The following ZNF546 variants were observed in gnomAD, a reference collection of about 807,000 sequenced individuals.
ZNF546 encodes zinc finger protein 546.
ZNF546 carries 60 observed loss-of-function variants against 76.2 expected under a neutral mutation model. The ratio of observed to expected loss-of-function variants is 0.79; its 90% CI spans 0.64 to 0.98. The LOEUF is 0.98. Ranked by LOEUF, ZNF546 falls within the 50% of genes least tolerant of loss-of-function variation. The pLI is 0.00. For synonymous variants in ZNF546, 277 were observed against 328.1 expected, an observed-to-expected ratio of 0.84 and a Z score of 1.68; for missense variants, 936 against 1,035.6, an observed-to-expected ratio of 0.90 and a Z score of 1.32.
intron 3 of ZNF546, among the ~76,000 whole-genome samples, chr19:40,003,098 C>T (rs1424846639): frequency 2.1e-5 from 3 of 141,218 alleles, no homozygotes; most frequent in Non-Finnish European, 4.5e-5. Context: ...TGCAGTGGTG[C>T]AATCTCGGCT....
rs1297898712 is a variant in ZNF546 at position 40,014,879 on chromosome 19, C to T, written c.1609C>T (p.Gln537Ter). The T allele has an allele frequency of 6.2e-7, 1 of 1,613,666 alleles. No homozygotes were observed. Among genetic ancestry groups the T allele is most frequent in the Admixed American group, 1.7e-5 (1 of 60,000 alleles). The change falls in exon 7 of 7, where the codon CAA (glutamine) becomes TAA (stop). Residue 537 changes from glutamine to a stop codon, truncating the protein, a stop_gained. Coordinates refer to ENST00000347077, the MANE Select transcript of ZNF546 (RefSeq NM_178544.5). LOFTEE classifies it high-confidence loss of function. Reference protein sequence around the residue: ...CNECGKAFRLQGELTRHHRIH... With the variant: ...CNECGKAFRL ...CGAATGTGGAAAAGCCTTTCGTCTT[C>T]AAGGAGAACTTACCCGACATCACAG...
At chr19:40,008,127 C>T (rs147843541) in intron 5 of ZNF546, among the ~76,000 whole-genome samples, 1 of 152,292 alleles carries the variant, frequency 6.6e-6, no homozygotes, top group African/African-American at 2.4e-5. Context: ...TGAATATGTG[C>T]AGGGTAACTT....
At chr19:40,010,402 GAAAAAAAAA>G (rs552930374) in intron 6 of ZNF546, among the ~76,000 whole-genome samples, 305 of 112,950 alleles carry the variant, frequency 2.7e-3, no homozygotes, top group African/African-American at 9.6e-3. Context: ...GATAATGTCT[GAAAAAAAAA>G]AAAAAAGAAG....
chr19:40,008,607 T>TATGA, intron 6 of ZNF546, 42 bp downstream of exon 6: 1 of 1,527,370 alleles, frequency 6.5e-7, no homozygotes, highest in Non-Finnish European at 9.1e-7. Context: ...TATCACAAGT[T>TATGA]ATGACCCATG....
rs1186230239 is a variant in ZNF546 at position 40,017,966 on chromosome 19, CTTTTTTTTTT to C, written c.*2205_*2214del. 1.2e-3 allele frequency: 77 copies of C among 63,086 alleles called. No homozygotes were observed. The highest frequency in any genetic ancestry group is 5.0e-3 in the African/African-American group (69 of 13,716). The allele number at this position is 63,086 out of a possible 1,614,324, so 3.9% of individuals were successfully genotyped here. A position where few individuals can be genotyped will look rare whatever the true frequency, so the allele number is the denominator to read the frequency against. On this transcript the variant is annotated 3_prime_UTR_variant, in exon 7 of 7. Transcript: ENST00000347077. ...CCCCACAACTTTATTGCAACATTGA[CTTTTTTTTTT>C]TTTTTTTTTTTTTTTTTTTGAGATG...
chr19:40,006,955 T>C (rs1320395521), intron 4 of ZNF546, among the ~76,000 whole-genome samples: 2 of 152,210 alleles, frequency 1.3e-5, no homozygotes, highest in African/African-American at 4.8e-5. Context: ...GAGTACTTTT[T>C]GGTGAAAAAA....
chr19:40,005,689 CA>C (rs767589624), intron 3 of ZNF546, among the ~76,000 whole-genome samples: 1,534 of 126,448 alleles, frequency 0.012, 5 homozygotes, highest in Non-Finnish European at 0.016. Context: ...ACCCTGTCTC[CA>C]AAAAAAAAAA....
rs201889674 is a variant in ZNF546, at chr19:40,007,272, A to G, written c.172-2A>G. 6.5e-7 allele frequency: 1 copy of G among 1,533,644 alleles called. No individual in the cohort carries two copies. The highest frequency in any genetic ancestry group is 8.8e-7 in the Non-Finnish European group (1 of 1,139,424). ...TTTTAATACATAGGCTTGTCATTTC[A>G]GGTATCTTTGGCATTTAGGGATGTG... On this transcript the variant is annotated splice_acceptor_variant, in intron 4 of 6. Coordinates refer to ENST00000347077, the MANE Select transcript of ZNF546 (RefSeq NM_178544.5). LOFTEE classifies it high-confidence loss of function.
chr19:39,999,580 ATTTT>A (rs748100892), intron 3 of ZNF546: 2 of 143,850 alleles, frequency 1.4e-5, no homozygotes, highest in Non-Finnish European at 1.5e-5. Flanking sequence ...TTTTAGCAAG[ATTTT>A]TTTTTTTTTT....
Position 40,014,588 on chromosome 19 carries a change from C to A in ZNF546, c.1318C>A (p.Pro440Thr). The part of the protein sequence containing the change: ...RHRRIHTGEK[P>T]YECRECGKAF... ...TCGTAGAATTCATACTGGTGAGAAA[C>A]CCTATGAATGTAGAGAATGTGGAAA... Residue 440 changes from proline (P) to threonine (T), a missense_variant, in exon 7 of 7, where the codon CCC (proline) becomes ACC (threonine). Transcript: ENST00000347077. 1 of 1,613,576 alleles carries A rather than the reference C, an allele frequency of 6.2e-7. No homozygotes were observed. The highest frequency in any genetic ancestry group is 8.5e-7 in the Non-Finnish European group (1 of 1,179,724).
At position 40,013,660 on chromosome 19, in the gene ZNF546, T is replaced by TTTTTC; in HGVS notation, c.395-5_395-4insTTTTC. 7.8e-7 allele frequency: 1 copy of TTTTTC among 1,288,536 alleles called. No homozygotes were observed. Among genetic ancestry groups the TTTTTC allele is most frequent in the Non-Finnish European group, 1.0e-6 (1 of 992,802 alleles). 79.8% of individuals were successfully genotyped at this position (1,288,536 alleles called of 1,614,324 possible). A position where few individuals can be genotyped will look rare whatever the true frequency, so the allele number is the denominator to read the frequency against. ...CTTTGCTTTTTTTTTTTTTTTTTTT[T>TTTTTC]GCAGATTTGGAATACAAGTATATTA... is the stretch of plus-strand genomic sequence containing the variant. On this transcript the variant is annotated splice_region_variant and splice_polypyrimidine_tract_variant and intron_variant, in intron 6 of 6. Transcript: ENST00000347077.
rs1302545630 is a variant in ZNF546, at chr19:40,014,609, G to A, written c.1339G>A (p.Gly447Arg). ...GEKPYECREC[G>R]KAFRLQTELT... The stretch of plus-strand genomic sequence containing the variant: ...GAAACCCTATGAATGTAGAGAATGT[G>A]GAAAAGCCTTTCGTCTTCAAACGGA... The change falls in exon 7 of 7, where the codon GGA (glycine) becomes AGA (arginine). Residue 447 changes from glycine (G) to arginine (R), a missense_variant. Coordinates refer to ENST00000347077, the MANE Select transcript of ZNF546 (RefSeq NM_178544.5). 6.2e-7 allele frequency: 1 copy of A among 1,613,394 alleles called. No homozygotes were observed. The highest frequency in any genetic ancestry group is 8.5e-7 in the Non-Finnish European group (1 of 1,179,706).
At position 40,015,818 on chromosome 19, in the gene ZNF546, A is replaced by C; in HGVS notation, c.*37A>C. The C allele has an allele frequency of 6.3e-7, 1 of 1,588,110 alleles. No individual in the cohort carries two copies. The highest frequency in any genetic ancestry group is 8.6e-7 in the Non-Finnish European group (1 of 1,158,150). ...TGGCCTTTAGAAAATGCCCTTTAGCAGAGAATTTGTAATTTAAGAAATTTT... is the reference window on the plus strand; with the variant it reads ...TGGCCTTTAGAAAATGCCCTTTAGCCGAGAATTTGTAATTTAAGAAATTTT... On this transcript the variant is annotated 3_prime_UTR_variant, in exon 7 of 7. Coordinates refer to ENST00000347077, the MANE Select transcript of ZNF546 (RefSeq NM_178544.5).
intron 6 of ZNF546, among the ~76,000 whole-genome samples, chr19:40,009,315 G>T (rs1971643014): frequency 6.6e-6 from 1 of 152,122 alleles, no homozygotes; most frequent in Non-Finnish European, 1.5e-5. Flanking sequence ...GAACATTCTT[G>T]TACAATTGTT....
rs1971831380 is a variant in ZNF546 at position 40,019,812 on chromosome 19, A to G, written c.*4031A>G. 6.6e-6 allele frequency: 1 copy of G among 152,250 alleles called. No homozygotes were observed. The highest frequency in any genetic ancestry group is 2.4e-5 in the African/African-American group (1 of 41,460). The allele number at this position is 152,250 out of a possible 1,614,324, so 9.4% of individuals were successfully genotyped here. ...GACTGTCCAGGGATAGATCTGTTCT[A>G]GTTTTCCAAATTAATGATGGGAAAG... On this transcript the variant is annotated 3_prime_UTR_variant, in exon 7 of 7. Coordinates refer to ENST00000347077, the MANE Select transcript of ZNF546 (RefSeq NM_178544.5).
chr19:40,006,878 T>C (rs993714172), intron 4 of ZNF546, among the ~76,000 whole-genome samples: 1 of 152,248 alleles, frequency 6.6e-6, no homozygotes, highest in South Asian at 2.1e-4. Flanking sequence ...TTTTGCATCA[T>C]GATGAACCAG....
At chr19:40,003,832 C>A (rs906764726) in intron 3 of ZNF546, among the ~76,000 whole-genome samples, 1 of 151,554 alleles carries the variant, frequency 6.6e-6, no homozygotes, top group Non-Finnish European at 1.5e-5. Context: ...GCCAACATGG[C>A]GAAACCCTGT....
At chr19:40,005,811 C>G (rs1479719146) in intron 3 of ZNF546, among the ~76,000 whole-genome samples, 1 of 152,142 alleles carries the variant, frequency 6.6e-6, no homozygotes, top group Non-Finnish European at 1.5e-5. Context: ...ATTACCTCAT[C>G]TGTTGGATGG....
intron 5 of ZNF546, among the ~76,000 whole-genome samples, 189 bp from the exon 6 acceptor site, chr19:40,008,281 G>A (rs1444495108): frequency 6.6e-6 from 1 of 152,148 alleles, no homozygotes; most frequent in African/African-American, 2.4e-5. Flanking sequence ...CTTTAGTCCT[G>A]TAATTGTGAG....
Sources: gnomAD v4.1 joint callset for allele counts (sites outside exome capture counted in the v4.1 genomes callset) on GRCh38, gnomAD v4.1.1 for gene constraint, MANE v1.5 for transcripts, NCBI Gene and HGNC (gene_info 2026-07-23, HGNC 2026-07-21) for gene names.